Variants in KCTD10 observed in about 807,000 individuals in gnomAD.
The protein encoded by KCTD10 is BTB/POZ domain-containing adapter for CUL3-mediated RhoA degradation protein 3.
Under a neutral mutation model 34.6 loss-of-function variants are expected in KCTD10, and 13 were observed. That is an observed-to-expected ratio of 0.38 (90% CI 0.24 to 0.60). The LOEUF is 0.60. Ranked by LOEUF, KCTD10 falls within the 20% of genes least tolerant of loss-of-function variation. The pLI is 0.66. For synonymous variants in KCTD10, 156 were observed against 168.8 expected (o/e 0.92, Z 0.59); for missense variants, 256 against 420.3 (o/e 0.61, Z 3.42).
At position 109,451,665 on chromosome 12, in the gene KCTD10, C is replaced by T. The variant is rs200831911; in HGVS notation, c.872G>A (p.Arg291Gln). Reference protein sequence around the residue: ...RSHHLDEDEERERIERVRRIH... With the variant: ...RSHHLDEDEEQERIERVRRIH... ...CCTCCGCACGCGCTCGATCCGCTCC[C>T]GCTCCTCGTCCTCGTCCAGGTGGTG... Residue 291 changes from arginine (R) to glutamine (Q), a missense_variant, in exon 7 of 7, where the codon CGG (arginine) becomes CAG (glutamine). Physicochemically the swap from Arg to Gln is conservative, Grantham distance 43. Around this residue, in one of 3 missense-constraint regions of KCTD10, gnomAD observed 60 missense variants for 89.0 expected, o/e 0.67. Coordinates refer to ENST00000228495, the MANE Select transcript of KCTD10 (RefSeq NM_031954.5). This position sits in a 1 kb window ranked among gnomAD's most constrained non-coding sequence, Gnocchi z 5.0. The T allele has an allele frequency of 2.5e-6, 4 of 1,613,518 alleles. No individual in the cohort carries two copies. Among genetic ancestry groups the T allele is most frequent in the South Asian group, 1.1e-5 (1 of 91,040 alleles).
intron 2 of KCTD10, among the ~76,000 whole-genome samples, chr12:109,468,842 TG>T (rs1483423804): frequency 6.6e-6 from 1 of 151,902 alleles, no homozygotes; most frequent in African/African-American, 2.4e-5. Context: ...TTAGTAGAGA[TG>T]GGGTTTCACC....
Position 109,456,037 on chromosome 12 carries a change from G to A in KCTD10, c.723+81C>T, listed in dbSNP as rs1042261527. On this transcript the variant is annotated intron_variant, in intron 6 of 6. Coordinates refer to ENST00000228495, the MANE Select transcript of KCTD10 (RefSeq NM_031954.5). ...AAGCATTTTAAAAGCATTTCCCTCT[G>A]TATTGGGCTCAAGTGAAAGGAAGTT... The A allele has an allele frequency of 4.2e-5, 55 of 1,303,894 alleles. No homozygotes were observed. The African/African-American group carries it at 7.6e-4, about 18-fold the overall frequency. The allele number at this position is 1,303,894 out of a possible 1,614,324, so 80.8% of individuals were successfully genotyped here.
At chr12:109,457,769 G>T in intron 4 of KCTD10, 87 bp from the exon 5 acceptor site, 1 of 1,368,224 alleles carries the variant, frequency 7.3e-7, no homozygotes, top group Non-Finnish European at 1.0e-6. Flanking sequence ...CTGGGGCCCT[G>T]CCCTGCATCA....
chr12:109,456,402 C>T, intron 5 of KCTD10, 89 bp from the exon 6 acceptor site: 1 of 1,076,496 alleles, frequency 9.3e-7, no homozygotes, highest in Non-Finnish European at 1.4e-6. Context: ...CCCTACTGAG[C>T]CCACTTTCTC....
In KCTD10 at chr12:109,449,223, T is replaced by C. The variant is rs1402317496; in HGVS notation, c.*2372A>G. ...CAATAACAGAGCTTGGACCAGCCAA[T>C]GCTGTCTATTCACTCATGGCTATAA... On this transcript the variant is annotated 3_prime_UTR_variant, in exon 7 of 7. Coordinates refer to ENST00000228495, the MANE Select transcript of KCTD10 (RefSeq NM_031954.5). 6.6e-6 allele frequency: 1 copy of C among 152,232 alleles called. No individual in the cohort carries two copies. The highest frequency in any genetic ancestry group is 1.5e-5 in the Non-Finnish European group (1 of 68,042). 9.4% of individuals were successfully genotyped at this position (152,232 alleles called of 1,614,324 possible).
chr12:109,458,656 G>C (rs191388591), intron 3 of KCTD10: 1 of 153,652 alleles, frequency 6.5e-6, no homozygotes, highest in East Asian at 1.9e-4. Flanking sequence ...TGGTTTGCAC[G>C]GTAGAGGACA....
chr12:109,464,943 G>A (rs1873520690), intron 2 of KCTD10: 1 of 443,812 alleles, frequency 2.3e-6, no homozygotes, highest in African/African-American at 2.0e-5. Context: ...ATAAACTCTA[G>A]GGCTGAGCTC....
rs973486274 is a variant in KCTD10 at position 109,449,058 on chromosome 12, T to TA, written c.*2536dup. ...GACACACCAAAGCTGTTCCAATTTG[T>TA]AAAAAACTGTAGTTATTACATTGCA... On this transcript the variant is annotated 3_prime_UTR_variant, in exon 7 of 7. Coordinates refer to ENST00000228495, the MANE Select transcript of KCTD10 (RefSeq NM_031954.5). The TA allele has an allele frequency of 6.6e-6, 1 of 151,014 alleles. No individual in the cohort carries two copies. Among genetic ancestry groups the TA allele is most frequent in the African/African-American group, 2.5e-5 (1 of 40,260 alleles). 9.4% of individuals were successfully genotyped at this position (151,014 alleles called of 1,614,324 possible). A position where few individuals can be genotyped will look rare whatever the true frequency, so the allele number is the denominator to read the frequency against.
intron 1 of KCTD10, among the ~76,000 whole-genome samples, chr12:109,477,018 A>G (rs766624227): frequency 6.6e-6 from 1 of 151,884 alleles, no homozygotes; most frequent in Non-Finnish European, 1.5e-5. Flanking sequence ...CGCAAGCCCA[A>G]ATGTGCTTCC....
Position 109,450,712 on chromosome 12 carries a change from T to G in KCTD10, c.*883A>C, listed in dbSNP as rs567939779. The stretch of plus-strand genomic sequence containing the variant: ...GGAGCGGGATCCCAGGGAGGGGTAG[T>G]TTATGAGCTATGCCTGTCACAGGGT... On this transcript the variant is annotated 3_prime_UTR_variant, in exon 7 of 7. Transcript: ENST00000228495. 2 of 208,676 alleles carry G rather than the reference T, an allele frequency of 9.6e-6. No homozygotes were observed. The highest frequency in any genetic ancestry group is 1.9e-5 in the Non-Finnish European group (2 of 105,220). 12.9% of individuals were successfully genotyped at this position (208,676 alleles called of 1,614,324 possible).
chr12:109,450,916 G>C lies in KCTD10; in HGVS notation c.*679C>G, dbSNP rs1221069285. 1 of 152,682 alleles carries C rather than the reference G, an allele frequency of 6.5e-6. No individual in the cohort carries two copies. Among genetic ancestry groups the C allele is most frequent in the Non-Finnish European group, 1.5e-5 (1 of 68,394 alleles). The allele number at this position is 152,682 out of a possible 1,614,324, so 9.5% of individuals were successfully genotyped here. A position where few individuals can be genotyped will look rare whatever the true frequency, so the allele number is the denominator to read the frequency against. ...AAAGACCAGCCCAAGGTGGCAAAAG[G>C]CTTGATCCCTAAACAAAGCCTTGCA... On this transcript the variant is annotated 3_prime_UTR_variant, in exon 7 of 7. Transcript: ENST00000228495.
At chr12:109,456,071 G>T (rs377602387) in intron 6 of KCTD10, 47 bp downstream of exon 6, 40 of 1,564,262 alleles carry the variant, frequency 2.6e-5, no homozygotes, top group Non-Finnish European at 3.4e-5. Flanking sequence ...TTCTATAGGT[G>T]TGTGTTTCAG....
rs967366646 is a variant in KCTD10, at chr12:109,473,207, T to C, written c.4-3479A>G. Among the ~76,000 whole-genome samples, 11 of 152,112 alleles carry C rather than the reference T, an allele frequency of 7.2e-5. No homozygotes were observed. The East Asian group carries it at 9.6e-4, about 13-fold the overall frequency. ...CCCAGAGACCATCACACCTAGTAGATTGAGAGCTATGATACATAAGCTGAG... is the reference window on the plus strand; with the variant it reads ...CCCAGAGACCATCACACCTAGTAGACTGAGAGCTATGATACATAAGCTGAG... On this transcript the variant is annotated intron_variant, in intron 1 of 6. Transcript: ENST00000228495.
intron 2 of KCTD10, 88 bp downstream of exon 2, chr12:109,469,427 G>T: frequency 6.7e-7 from 1 of 1,495,876 alleles, no homozygotes. Context: ...ACATCTTCAG[G>T]TCTCGACTTA....
chr12:109,449,765 C>T lies in KCTD10; in HGVS notation c.*1830G>A, dbSNP rs1872667135. 1 of 151,916 alleles carries T rather than the reference C, an allele frequency of 6.6e-6. No homozygotes were observed. Among genetic ancestry groups the T allele is most frequent in the Non-Finnish European group, 1.5e-5 (1 of 67,998 alleles). 9.4% of individuals were successfully genotyped at this position (151,916 alleles called of 1,614,324 possible). A position where few individuals can be genotyped will look rare whatever the true frequency, so the allele number is the denominator to read the frequency against. On this transcript the variant is annotated 3_prime_UTR_variant, in exon 7 of 7. Transcript: ENST00000228495. Reference sequence around the variant, plus strand: ...ACAATGGCTTTTCCATTTTCCTGGCCAACATTCACTTCGACTTTCTAAAAA... The same window carrying T: ...ACAATGGCTTTTCCATTTTCCTGGCTAACATTCACTTCGACTTTCTAAAAA...
intron 5 of KCTD10, chr12:109,456,575 G>C (rs1201756015): frequency 2.0e-6 from 1 of 492,228 alleles, no homozygotes; most frequent in Admixed American, 3.3e-5. Context: ...CCCTAAGCCT[G>C]AGTGCTCCTA....
intron 5 of KCTD10, chr12:109,456,548 C>T: frequency 1.9e-6 from 1 of 539,604 alleles, no homozygotes; most frequent in East Asian, 3.3e-5. Context: ...ACACGCCCCC[C>T]AAAAGACAGC....
intron 2 of KCTD10, among the ~76,000 whole-genome samples, chr12:109,463,274 A>G (rs1410704927): frequency 6.6e-6 from 1 of 152,232 alleles, no homozygotes; most frequent in African/African-American, 2.4e-5. Context: ...ATGAACAGGC[A>G]GACCGTGACA....
At chr12:109,470,189 G>T in intron 1 of KCTD10, 1 of 989,662 alleles carries the variant, frequency 1.0e-6, no homozygotes, top group South Asian at 4.6e-5. Context: ...TTTCCTTATT[G>T]CCATGTACCA....
Sources: gnomAD v4.1 joint callset for allele counts (sites outside exome capture counted in the v4.1 genomes callset) on GRCh38, gnomAD v4.1.1 for gene constraint, gnomAD v4.1.1 regional missense constraint, Gnocchi (gnomAD v3.1) non-coding constraint, MANE v1.5 for transcripts, NCBI Gene and HGNC (gene_info 2026-07-23, HGNC 2026-07-21) for gene names.